PITPNM1: variants seen among roughly 807,000 people sequenced by gnomAD.
PITPNM1 encodes membrane-associated phosphatidylinositol transfer protein 1.
In PITPNM1, 74 loss-of-function variants were observed where a neutral mutation model predicts 133.3. The observed-to-expected ratio is 0.56, with a 90% CI of 0.46 to 0.67. The LOEUF (loss-of-function observed/expected upper bound fraction) is 0.67. PITPNM1 is among the 30% of genes least tolerant of loss of function. The pLI is 0.00. For missense variants in PITPNM1, 1,398 were observed against 1,739.5 expected (o/e 0.80, Z 3.49); for synonymous variants, 738 against 741.4 (o/e 1.00, Z 0.08).
In PITPNM1 at chr11:67,504,284, C is replaced by G; in HGVS notation, c.-41-63G>C. The G allele has an allele frequency of 3.2e-6, 2 of 633,244 alleles. No individual in the cohort carries two copies. Among genetic ancestry groups the G allele is most frequent in the Non-Finnish European group, 4.5e-6 (2 of 442,638 alleles). 39.2% of individuals were successfully genotyped at this position (633,244 alleles called of 1,614,324 possible). A position where few individuals can be genotyped will look rare whatever the true frequency, so the allele number is the denominator to read the frequency against. The stretch of plus-strand genomic sequence containing the variant: ...GCTGCGCGCGGCCCCGAGCCCTGCG[C>G]GCCGGCCGAGGGACTCAGGCCACGG... On this transcript the variant is annotated intron_variant, in intron 1 of 23. Coordinates refer to ENST00000356404, the MANE Select transcript of PITPNM1 (RefSeq NM_004910.3). The surrounding 1 kb of genome is among the most constrained non-coding windows in gnomAD (Gnocchi z 5.4).
chr11:67,495,696 GC>G, intron 15 of PITPNM1, 94 bp from the exon 16 acceptor site: 1 of 1,257,548 alleles, frequency 8.0e-7, no homozygotes, highest in Non-Finnish European at 1.1e-6. Context: ...TCTTCCTGTG[GC>G]CCCTCTGGTC....
Position 67,492,241 on chromosome 11 carries a change from G to T in PITPNM1, c.3527C>A (p.Ser1176Ter). ...HLGQLEAGSH[S>*]HASSGPPRAA... is the part of the protein sequence containing the mutation. ...TCTCGGGGGTCCCGAGGAGGCATGCGAGTGCGAGCCCGCTTCCAGCTGGCC... is the reference window on the plus strand; with the variant it reads ...TCTCGGGGGTCCCGAGGAGGCATGCTAGTGCGAGCCCGCTTCCAGCTGGCC... The change falls in exon 24 of 24, where the codon TCG (serine) becomes TAG (stop). Residue 1176 changes from serine (S) to a stop codon, truncating the protein, a stop_gained. Coordinates refer to ENST00000356404, the MANE Select transcript of PITPNM1 (RefSeq NM_004910.3). LOFTEE classifies it high-confidence loss of function. 6.2e-7 allele frequency: 1 copy of T among 1,601,700 alleles called. No individual in the cohort carries two copies. The highest frequency in any genetic ancestry group is 8.5e-7 in the Non-Finnish European group (1 of 1,173,476).
rs1320594274 is a variant in PITPNM1 at position 67,493,350 on chromosome 11, T to C, written c.3342+60A>G. 1.7e-5 allele frequency: 25 copies of C among 1,428,704 alleles called. No individual in the cohort carries two copies. The East Asian group carries it at 6.3e-4, about 36-fold the overall frequency. 88.5% of individuals were successfully genotyped at this position (1,428,704 alleles called of 1,614,324 possible). A position where few individuals can be genotyped will look rare whatever the true frequency, so the allele number is the denominator to read the frequency against. The stretch of plus-strand genomic sequence containing the variant: ...AGATGGGCCTCCGCCGATCCGGGGG[T>C]GGAGGGTAAGGGGGAGCGGGGGCGG... On this transcript the variant is annotated intron_variant, in intron 22 of 23. Coordinates refer to ENST00000356404, the MANE Select transcript of PITPNM1 (RefSeq NM_004910.3).
In PITPNM1 at chr11:67,497,393, G is replaced by T; in HGVS notation, c.1984C>A (p.Arg662=). The T allele has an allele frequency of 6.3e-7, 1 of 1,591,434 alleles. No individual in the cohort carries two copies. Among genetic ancestry groups the T allele is most frequent in the Non-Finnish European group, 8.6e-7 (1 of 1,166,390 alleles). ...PATTSSWEPR[R]ASTAFCPPAA... ...GGTGGGCAGAAGGCCGTGCTTGCCC[G>T]CCGGGGCTCCCAGGAGGAGGTGGTT... Residue 662 remains arginine, a synonymous_variant, in exon 14 of 24, where the codon CGG becomes AGG. Transcript: ENST00000356404.
rs1865934606 is a variant in PITPNM1 at position 67,491,873 on chromosome 11, T to C, written c.*160A>G. 1.3e-6 allele frequency: 1 copy of C among 784,606 alleles called. No individual in the cohort carries two copies. The allele number at this position is 784,606 out of a possible 1,614,324, so 48.6% of individuals were successfully genotyped here. On this transcript the variant is annotated 3_prime_UTR_variant, in exon 24 of 24. Coordinates refer to ENST00000356404, the MANE Select transcript of PITPNM1 (RefSeq NM_004910.3). ...CCCCCCGGCGCTGGGTCCCCTCATA[T>C]GAAAGGGAAGTAACACCGAGGAGCA...
At position 67,492,996 on chromosome 11, in the gene PITPNM1, GC is replaced by G; in HGVS notation, c.3408del (p.Leu1137CysfsTer102). On this transcript the variant is annotated frameshift_variant, in exon 23 of 24. Coordinates refer to ENST00000356404, the MANE Select transcript of PITPNM1 (RefSeq NM_004910.3). LOFTEE classifies it high-confidence loss of function. Reference protein sequence around the residue: ...PKDVAVYAALGLSPSQTYIVG... With the variant: ...PKDVAVYAALXLSPSQTYIVG... ...ACGATGTAGGTCTGGCTCGGGGACAGCCCCAGCGCCGCGTATACAGCCACAT... is the reference window on the plus strand; with the variant it reads ...ACGATGTAGGTCTGGCTCGGGGACAGCCCAGCGCCGCGTATACAGCCACAT... 3 of 1,612,998 alleles carry G rather than the reference GC, an allele frequency of 1.9e-6. No individual in the cohort carries two copies. The highest frequency in any genetic ancestry group is 2.5e-6 in the Non-Finnish European group (3 of 1,179,942).
intron 18 of PITPNM1, 54 bp downstream of exon 18, chr11:67,494,792 G>T: frequency 7.8e-7 from 1 of 1,281,814 alleles, no homozygotes; most frequent in Non-Finnish European, 1.1e-6. Flanking sequence ...GGCCTCTCTG[G>T]TGAGTGGGCG....
Position 67,497,927 on chromosome 11 carries a change from C to A in PITPNM1, c.1772G>T (p.Arg591Leu), listed in dbSNP as rs149128402. The change falls in exon 12 of 24, where the codon CGT becomes CTT. Residue 591 changes from arginine to leucine, a missense_variant. Coordinates refer to ENST00000356404, the MANE Select transcript of PITPNM1 (RefSeq NM_004910.3). ...TTTGGCTATACTGACCATGCTCCCA[C>A]GGCGGCTGCTGCCCCGACTCCCGGT... ...AGTGSRGSSR[R>L]GSMNNELLSP... The A allele has an allele frequency of 3.7e-6, 6 of 1,610,440 alleles. No homozygotes were observed. The highest frequency in any genetic ancestry group is 5.1e-6 in the Non-Finnish European group (6 of 1,179,726).
In PITPNM1 at chr11:67,497,918, A is replaced by G; in HGVS notation, c.1781T>C (p.Met594Thr). The G allele has an allele frequency of 1.2e-6, 2 of 1,610,710 alleles. No individual in the cohort carries two copies. Among genetic ancestry groups the G allele is most frequent in the Non-Finnish European group, 8.5e-7 (1 of 1,179,788 alleles). The stretch of plus-strand genomic sequence containing the variant: ...GAGGCCGGGTTTGGCTATACTGACC[A>G]TGCTCCCACGGCGGCTGCTGCCCCG... Reference protein sequence around the residue: ...GSRGSSRRGSMNNELLSPEFG... With the variant: ...GSRGSSRRGSTNNELLSPEFG... The change falls in exon 12 of 24, where the codon ATG becomes ACG. Residue 594 changes from methionine (M) to threonine (T), a missense_variant and splice_region_variant. This residue lies in a region of PITPNM1 where 574 missense variants were observed against 698.7 expected (regional missense o/e 0.82). Coordinates refer to ENST00000356404, the MANE Select transcript of PITPNM1 (RefSeq NM_004910.3).
rs199667933 is a variant in PITPNM1, at chr11:67,502,135, C to T, written c.416-49G>A. ...AGCAGCGCCAGCCCCTTTGAGCCCCCGCTCCTGGCACCCTCTTGGGACTGG... is the reference window on the plus strand; with the variant it reads ...AGCAGCGCCAGCCCCTTTGAGCCCCTGCTCCTGGCACCCTCTTGGGACTGG... On this transcript the variant is annotated intron_variant, in intron 4 of 23. Coordinates refer to ENST00000356404, the MANE Select transcript of PITPNM1 (RefSeq NM_004910.3). This position sits in a 1 kb window ranked among gnomAD's most constrained non-coding sequence, Gnocchi z 5.9. The T allele has an allele frequency of 2.7e-5, 42 of 1,576,240 alleles. No individual in the cohort carries two copies. Among genetic ancestry groups the T allele is most frequent in the East Asian group, 1.1e-4 (5 of 44,418 alleles).
chr11:67,493,499 A>G lies in PITPNM1; in HGVS notation c.3253T>C (p.Phe1085Leu). 2 of 1,600,262 alleles carry G rather than the reference A, an allele frequency of 1.2e-6. No homozygotes were observed. The highest frequency in any genetic ancestry group is 2.3e-5 in the East Asian group (1 of 44,320). ...RVVAWLSQHN[F>L]PHGVVSFCDG... The stretch of plus-strand genomic sequence containing the variant: ...CAGAAGGAGACGACGCCGTGGGGGA[A>G]GTTGTGCTGCGACAGCCATGCCACC... Residue 1085 changes from phenylalanine to leucine, a missense_variant, in exon 22 of 24, where the codon TTC becomes CTC. Physicochemically the swap from Phe to Leu is conservative, Grantham distance 22. Coordinates refer to ENST00000356404, the MANE Select transcript of PITPNM1 (RefSeq NM_004910.3).
Position 67,497,512 on chromosome 11 carries a change from G to A in PITPNM1, c.1940+10C>T. The A allele has an allele frequency of 2.5e-6, 4 of 1,604,990 alleles. No homozygotes were observed. Among genetic ancestry groups the A allele is most frequent in the Non-Finnish European group, 3.4e-6 (4 of 1,176,550 alleles). ...TGCCCAGGGTAGGGGTGATGGGGCA[G>A]GGACGTCACCTGTTCTGAGAGCCCT... On this transcript the variant is annotated intron_variant, in intron 13 of 23. Transcript: ENST00000356404.
At position 67,500,217 on chromosome 11, in the gene PITPNM1, G is replaced by A. The variant is rs1866280396; in HGVS notation, c.845C>T (p.Ala282Val). The change falls in exon 6 of 24, where the codon GCC (alanine) becomes GTC (valine). Residue 282 changes from alanine to valine, a missense_variant. Physicochemically the swap from Ala to Val is moderately conservative, Grantham distance 64. Coordinates refer to ENST00000356404, the MANE Select transcript of PITPNM1 (RefSeq NM_004910.3). ...CCCATCGGGGGTGCCAGTGTTGCTGGCCGCAGACCGGGCCTCGGTGCTCGG... is the reference window on the plus strand; with the variant it reads ...CCCATCGGGGGTGCCAGTGTTGCTGACCGCAGACCGGGCCTCGGTGCTCGG... ...GKPSTEARSA[A>V]SNTGTPDGPE... 1.6e-5 allele frequency: 26 copies of A among 1,604,004 alleles called. No homozygotes were observed. The highest frequency in any genetic ancestry group is 2.0e-5 in the Non-Finnish European group (24 of 1,179,412).
chr11:67,498,584 C>G lies in PITPNM1; in HGVS notation c.1484+12G>C. 1.3e-6 allele frequency: 2 copies of G among 1,591,930 alleles called. No homozygotes were observed. Among genetic ancestry groups the G allele is most frequent in the Non-Finnish European group, 1.7e-6 (2 of 1,175,612 alleles). On this transcript the variant is annotated intron_variant, in intron 10 of 23. Coordinates refer to ENST00000356404, the MANE Select transcript of PITPNM1 (RefSeq NM_004910.3). This position sits in a 1 kb window ranked among gnomAD's most constrained non-coding sequence, Gnocchi z 5.7. ...CCTACGAGTTCCCTGCCCTTCCACC[C>G]GTGGCTAGTACTTGGAGACAAGGGC... is the stretch of plus-strand genomic sequence containing the variant.
At chr11:67,503,994 C>T in intron 2 of PITPNM1, 109 bp downstream of exon 2, 6 of 724,414 alleles carry the variant, frequency 8.3e-6, no homozygotes, top group Non-Finnish European at 1.3e-5. Context: ...TGAAGGGGGG[C>T]CTCTCTTGCC....
chr11:67,492,597 T>C (rs1865968046), intron 23 of PITPNM1, among the ~76,000 whole-genome samples: 1 of 152,262 alleles, frequency 6.6e-6, no homozygotes, highest in Non-Finnish European at 1.5e-5. Context: ...CCTGTGCCTG[T>C]TGATGTGATC....
At chr11:67,499,045 G>A (rs769991223) in intron 8 of PITPNM1, 44 bp from the exon 9 acceptor site, 2 of 1,565,812 alleles carry the variant, frequency 1.3e-6, no homozygotes, top group Non-Finnish European at 1.7e-6. Flanking sequence ...GAGGACCACT[G>A]GGATCCCCTC....
rs1284223236 is a variant in PITPNM1 at position 67,498,508 on chromosome 11, G to A, written c.1484+88C>T. On this transcript the variant is annotated intron_variant, in intron 10 of 23. Coordinates refer to ENST00000356404, the MANE Select transcript of PITPNM1 (RefSeq NM_004910.3). This position sits in a 1 kb window ranked among gnomAD's most constrained non-coding sequence, Gnocchi z 5.7. ...AGCCATGCCAGTGACCGACCCAGGT[G>A]TCTGGCTTCCTGACCCCTTCCCCGC... is the stretch of plus-strand genomic sequence containing the variant. The A allele has an allele frequency of 7.2e-6, 11 of 1,533,264 alleles. No individual in the cohort carries two copies. In the East Asian group the frequency reaches 2.0e-4, roughly 28 times the overall value. The allele number at this position is 1,533,264 out of a possible 1,614,324, so 95.0% of individuals were successfully genotyped here.
chr11:67,503,449 G>A (rs537621958), intron 2 of PITPNM1, among the ~76,000 whole-genome samples: 15 of 152,128 alleles, frequency 9.9e-5, no homozygotes, highest in African/African-American at 2.2e-4. Flanking sequence ...TCCCAGCTCC[G>A]CCACACCCCT....
Sources: allele counts gnomAD v4.1 joint callset (sites outside exome capture counted in the v4.1 genomes callset), GRCh38; gene constraint gnomAD v4.1.1; regional missense constraint gnomAD v4.1.1; non-coding constraint Gnocchi (gnomAD v3.1); transcripts MANE v1.5; gene names NCBI Gene and HGNC (gene_info 2026-07-23, HGNC 2026-07-21).